GNAZ: variants seen among roughly 807,000 people sequenced by gnomAD.
GNAZ encodes guanine nucleotide-binding protein G(z) subunit alpha.
A neutral mutation model predicts 25.4 loss-of-function variants in GNAZ; 3 were observed. The observed-to-expected ratio is 0.12, with a 90% CI of 0.05 to 0.30. GNAZ has a LOEUF of 0.30. GNAZ is among the 10% of genes least tolerant of loss of function. GNAZ has a pLI of 1.00. For missense variants in GNAZ, 241 were observed against 501.8 expected, an observed-to-expected ratio of 0.48 and a Z score of 4.97; for synonymous variants, 211 against 205.7, an observed-to-expected ratio of 1.03 and a Z score of -0.22.
In GNAZ at chr22:23,089,205, G is replaced by A. The variant is rs184034341; in HGVS notation, c.-449-6042G>A. Among the ~76,000 whole-genome samples, 38 of 152,254 alleles carry A rather than the reference G, an allele frequency of 2.5e-4. No homozygotes were observed. The East Asian group carries it at 6.9e-3, about 28-fold the overall frequency. On this transcript the variant is annotated intron_variant, in intron 1 of 2. Transcript: ENST00000615612. ...GGTCTATAAGCTGATAAGTCTTCCC[G>A]CCCCTGGCTTAGCCGGCTTGGGCAG... is the stretch of plus-strand genomic sequence containing the variant.
intron 2 of GNAZ, among the ~76,000 whole-genome samples, chr22:23,098,383 G>C (rs2146323866): frequency 6.6e-6 from 1 of 152,386 alleles, no homozygotes; most frequent in Non-Finnish European, 1.5e-5. Context: ...GCTCCTCGGG[G>C]CAGGCCCTAG....
At position 23,123,212 on chromosome 22, in the gene GNAZ, G is replaced by C. The variant is rs367612065; in HGVS notation, c.849G>C (p.Pro283=). Residue 283 remains proline (P), a synonymous_variant, in exon 3 of 3, where the codon CCG becomes CCC. Transcript: ENST00000615612. Reference sequence around the variant, plus strand: ...TGGCAGAGAAGATCCGCCGCATCCCGCTCACCATCTGCTTTCCCGAGTACA... The same window carrying C: ...TGGCAGAGAAGATCCGCCGCATCCCCCTCACCATCTGCTTTCCCGAGTACA... ...DLLAEKIRRI[P]LTICFPEYKG... 1 of 1,613,966 alleles carries C rather than the reference G, an allele frequency of 6.2e-7. No homozygotes were observed. Among genetic ancestry groups the C allele is most frequent in the Non-Finnish European group, 8.5e-7 (1 of 1,179,908 alleles).
At chr22:23,076,269 A>C (rs2068505316) in intron 1 of GNAZ, among the ~76,000 whole-genome samples, 1 of 152,100 alleles carries the variant, frequency 6.6e-6, no homozygotes, top group Non-Finnish European at 1.5e-5. Flanking sequence ...CATTCATCGT[A>C]TGTGTTTGTG....
intron 1 of GNAZ, among the ~76,000 whole-genome samples, chr22:23,073,660 TTGACAG>T (rs1392681986): frequency 6.6e-6 from 1 of 152,174 alleles, no homozygotes; most frequent in Non-Finnish European, 1.5e-5. Flanking sequence ...CAGGGACCGC[TTGACAG>T]ATCCTAGAGC....
chr22:23,116,395 G>A (rs1438595546), intron 2 of GNAZ, among the ~76,000 whole-genome samples: 1 of 152,246 alleles, frequency 6.6e-6, no homozygotes, highest in Non-Finnish European at 1.5e-5. Context: ...CCTGTGACAG[G>A]GCACCTGAGG....
At chr22:23,090,829 C>T (rs1208886432) in intron 1 of GNAZ, among the ~76,000 whole-genome samples, 1 of 152,190 alleles carries the variant, frequency 6.6e-6, no homozygotes, top group South Asian at 2.1e-4. Context: ...TATTTACTGC[C>T]TGTAGTCTGA....
chr22:23,123,281 G>T lies in GNAZ; in HGVS notation c.918G>T (p.Arg306=). The T allele has an allele frequency of 3.1e-6, 5 of 1,614,092 alleles. No individual in the cohort carries two copies. Among genetic ancestry groups the T allele is most frequent in the Non-Finnish European group, 4.2e-6 (5 of 1,180,000 alleles). Residue 306 remains arginine (R), a synonymous_variant, in exon 3 of 3, where the codon CGG becomes CGT. Coordinates refer to ENST00000615612, the MANE Select transcript of GNAZ (RefSeq NM_002073.4). ...TYEEAAVYIQ[R]QFEDLNRNKE... is the part of the protein sequence containing the mutation. ...AGGAGGCCGCTGTCTACATCCAGCG[G>T]CAGTTTGAAGACCTGAACCGCAACA...
At chr22:23,113,887 C>T (rs986787196) in intron 2 of GNAZ, among the ~76,000 whole-genome samples, 1 of 152,236 alleles carries the variant, frequency 6.6e-6, no homozygotes, top group Non-Finnish European at 1.5e-5. Flanking sequence ...GGCAGGCACC[C>T]GCTACCGATG....
chr22:23,107,532 C>T (rs1485174341), intron 2 of GNAZ, among the ~76,000 whole-genome samples: 1 of 152,196 alleles, frequency 6.6e-6, no homozygotes, highest in African/African-American at 2.4e-5. Context: ...ACTCGAGAGT[C>T]TCCACTTCAG....
rs2069097239 is a variant in GNAZ at position 23,095,446 on chromosome 22, T to G, written c.-250T>G. On this transcript the variant is annotated 5_prime_UTR_variant, in exon 2 of 3. Coordinates refer to ENST00000615612, the MANE Select transcript of GNAZ (RefSeq NM_002073.4). The stretch of plus-strand genomic sequence containing the variant: ...GAATGACTACGGCAAATCAGGCCAC[T>G]TTGCCAACTAGGGAGGTGGAGTGTC... The G allele has an allele frequency of 9.6e-6, 5 of 518,870 alleles. No homozygotes were observed. The highest frequency in any genetic ancestry group is 1.0e-3 in the Middle Eastern group (2 of 1,988). 32.1% of individuals were successfully genotyped at this position (518,870 alleles called of 1,614,324 possible). A position where few individuals can be genotyped will look rare whatever the true frequency, so the allele number is the denominator to read the frequency against.
rs143853104 is a variant in GNAZ, at chr22:23,123,251, G to A, written c.888G>A (p.Thr296=). Residue 296 remains threonine (T), a synonymous_variant, in exon 3 of 3, where the codon ACG becomes ACA. Coordinates refer to ENST00000615612, the MANE Select transcript of GNAZ (RefSeq NM_002073.4). The stretch of plus-strand genomic sequence containing the variant: ...TTCCCGAGTACAAGGGCCAGAACAC[G>A]TACGAGGAGGCCGCTGTCTACATCC... ...ICFPEYKGQN[T]YEEAAVYIQR... is the part of the protein sequence containing the mutation. The A allele has an allele frequency of 9.5e-5, 153 of 1,614,120 alleles. 2 individuals are homozygous for A. The highest frequency in any genetic ancestry group is 8.2e-4 in the Middle Eastern group (5 of 6,062).
At chr22:23,094,415 G>C (rs1291462870) in intron 1 of GNAZ, among the ~76,000 whole-genome samples, 5 of 152,164 alleles carry the variant, frequency 3.3e-5, no homozygotes, top group African/African-American at 2.4e-5. Flanking sequence ...GACTCGCGGG[G>C]TTGGTGAAAG....
chr22:23,097,830 A>G (rs2069171510), intron 2 of GNAZ, among the ~76,000 whole-genome samples: 1 of 152,240 alleles, frequency 6.6e-6, no homozygotes. Context: ...GGACAGTGCC[A>G]TGGTGGGTCT....
intron 2 of GNAZ, among the ~76,000 whole-genome samples, chr22:23,117,214 G>A (rs542295756): frequency 6.7e-6 from 1 of 150,094 alleles, no homozygotes; most frequent in Non-Finnish European, 1.5e-5. Context: ...CAGAGGGACC[G>A]GCTGTAAGGA....
intron 2 of GNAZ, among the ~76,000 whole-genome samples, chr22:23,102,092 C>A (rs1458590527): frequency 6.6e-6 from 1 of 152,250 alleles, no homozygotes; most frequent in African/African-American, 2.4e-5. Flanking sequence ...TGAACAGCCC[C>A]TGCCATCCCT....
chr22:23,102,996 G>C (rs1046471385), intron 2 of GNAZ, among the ~76,000 whole-genome samples: 2 of 152,188 alleles, frequency 1.3e-5, no homozygotes, highest in Non-Finnish European at 2.9e-5. Context: ...TAAGCCTTGA[G>C]GGAGGAGGGA....
intron 1 of GNAZ, among the ~76,000 whole-genome samples, chr22:23,093,930 G>A (rs991576928): frequency 2.0e-5 from 3 of 152,198 alleles, no homozygotes; most frequent in Non-Finnish European, 2.9e-5. Flanking sequence ...AAGCAGGATC[G>A]CCAGGACTAG....
chr22:23,072,635 G>A (rs538066400), intron 1 of GNAZ, among the ~76,000 whole-genome samples: 6 of 152,370 alleles, frequency 3.9e-5, no homozygotes, highest in Non-Finnish European at 5.9e-5. Flanking sequence ...TTGATGCAGC[G>A]AGAACAGGGC....
intron 2 of GNAZ, among the ~76,000 whole-genome samples, chr22:23,106,552 C>T (rs1170094210): frequency 1.3e-5 from 2 of 152,214 alleles, no homozygotes; most frequent in Non-Finnish European, 2.9e-5. Flanking sequence ...GGCCCAGCAG[C>T]ACAGTTCCTG....
Sources: gnomAD v4.1 joint callset for allele counts (sites outside exome capture counted in the v4.1 genomes callset) on GRCh38, gnomAD v4.1.1 for gene constraint, MANE v1.5 for transcripts, NCBI Gene and HGNC (gene_info 2026-07-23, HGNC 2026-07-21) for gene names.